MLIP: variants seen among roughly 807,000 people sequenced by gnomAD.
The protein encoded by MLIP is muscular LMNA-interacting protein.
Under a neutral mutation model 84.8 loss-of-function variants are expected in MLIP, and 79 were observed. The observed-to-expected ratio is 0.93, with a 90% CI of 0.78 to 1.12. MLIP has a LOEUF of 1.12. MLIP is among the 50% of genes most tolerant of loss of function. The probability of loss-of-function intolerance (pLI) is 0.00; values close to 1 mark genes in which losing one functional copy is unlikely to be tolerated. For missense variants in MLIP, 1,257 were observed against 1,160.6 expected (o/e 1.08, Z -1.21); for synonymous variants, 504 against 463.0 (o/e 1.09, Z -1.14).
chr6:54,121,272 G>T (rs1319494514), intron 1 of MLIP, among the ~76,000 whole-genome samples, 175 bp from the exon 2 acceptor site: 6 of 152,104 alleles, frequency 3.9e-5, no homozygotes, highest in Non-Finnish European at 8.8e-5. Context: ...CATAAAAAAG[G>T]TTCTGATTCT....
At chr6:54,107,861 G>A (rs1286992787), upstream of MLIP, among the ~76,000 whole-genome samples, 1 of 152,172 alleles carries the variant, frequency 6.6e-6, no homozygotes, top group Non-Finnish European at 1.5e-5. Flanking sequence ...CTGTTATCAA[G>A]CCTGAGGCAT....
intron 11 of MLIP, among the ~76,000 whole-genome samples, chr6:54,212,948 G>A (rs1405048239): frequency 6.6e-6 from 1 of 152,100 alleles, no homozygotes; most frequent in Non-Finnish European, 1.5e-5. Flanking sequence ...TAATAAGAAG[G>A]CTAACTAGGC....
intron 8 of MLIP, among the ~76,000 whole-genome samples, chr6:54,161,065 G>A (rs974612810): frequency 1.3e-5 from 2 of 151,754 alleles, no homozygotes; most frequent in African/African-American, 4.8e-5. Flanking sequence ...TGTGGGTCCA[G>A]TTCAAAACAG....
intron 1 of MLIP, chr6:54,031,295 T>C (rs1237699247): frequency 6.6e-6 from 1 of 152,140 alleles, no homozygotes; most frequent in Non-Finnish European, 1.5e-5. Flanking sequence ...CAGAGAGGAA[T>C]GCAAGGCCAT....
chr6:54,146,574 TA>T (rs1772862883), intron 4 of MLIP, among the ~76,000 whole-genome samples: 1 of 152,206 alleles, frequency 6.6e-6, no homozygotes, highest in African/African-American at 2.4e-5. Context: ...GAGAATTTTG[TA>T]CTAATTCTAA....
chr6:54,091,538 T>A (rs978136621), intron 1 of MLIP, among the ~76,000 whole-genome samples: 1 of 152,122 alleles, frequency 6.6e-6, no homozygotes, highest in African/African-American at 2.4e-5. Context: ...GGAGACTGAC[T>A]TAGTCTTGCC....
rs1191598287 is a variant in MLIP at position 54,067,559 on chromosome 6, T to A, written c.63+48468T>A. Among the ~76,000 whole-genome samples, 7 of 101,818 alleles carry A rather than the reference T, an allele frequency of 6.9e-5. 2 individuals carry two copies. Among genetic ancestry groups the A allele is most frequent in the Admixed American group, 6.3e-4 (7 of 11,048 alleles). The allele number at this position is 101,818 out of a possible 152,430, so 66.8% of individuals were successfully genotyped here. A position where few individuals can be genotyped will look rare whatever the true frequency, so the allele number is the denominator to read the frequency against. ...CACTTCTTTAGAATTATCACCTTAT[T>A]CTAATTCACACTTTAAATTTGGTCA... On this transcript the variant is annotated intron_variant, in intron 1 of 12. Transcript: ENST00000274897.
At chr6:54,180,221 C>A (rs1776717295) in intron 9 of MLIP, among the ~76,000 whole-genome samples, 1 of 152,016 alleles carries the variant, frequency 6.6e-6, no homozygotes, top group East Asian at 1.9e-4. Flanking sequence ...TTATTTGTTT[C>A]TTTTCTCTTT....
At chr6:54,077,034 A>G (rs972297541) in intron 1 of MLIP, among the ~76,000 whole-genome samples, 4 of 152,226 alleles carry the variant, frequency 2.6e-5, no homozygotes, top group African/African-American at 9.6e-5. Context: ...GTTAGAACAA[A>G]TACTGAGAGA....
rs1361606911 is a variant in MLIP at position 54,124,530 on chromosome 6, GC to G, written c.311del (p.Ala104GlyfsTer3). The stretch of plus-strand genomic sequence containing the variant: ...TGGGAGCCAACAAGAGAGAGACCAA[GC>G]GAAATTGACTTGTCCTTCAGAGGTC... ...NAGSQQERDQ[A>X]KLTCPSEVSG... On this transcript the variant is annotated frameshift_variant, in exon 3 of 14. Coordinates refer to ENST00000502396, the MANE Select transcript of MLIP (RefSeq NM_001281747.2). LOFTEE classifies it high-confidence loss of function. 6.2e-7 allele frequency: 1 copy of G among 1,614,178 alleles called. No homozygotes were observed. The highest frequency in any genetic ancestry group is 1.1e-5 in the South Asian group (1 of 91,082).
chr6:54,203,187 A>G lies in MLIP; in HGVS notation c.2718+954A>G, dbSNP rs148353987. 1.8e-3 allele frequency among the ~76,000 whole-genome samples: 272 copies of G among 152,328 alleles called. 1 individual carries two copies. The highest frequency in any genetic ancestry group is 6.8e-3 in the Middle Eastern group (2 of 294). On this transcript the variant is annotated intron_variant, in intron 11 of 13. Coordinates refer to ENST00000502396, the MANE Select transcript of MLIP (RefSeq NM_001281747.2). ...ATTTGTGAAAAATATGAAAATACAC[A>G]TTTATGCAATATAAAACTTCATAAT...
chr6:54,160,921 T>C, intron 8 of MLIP, 122 bp downstream of exon 8: 1 of 764,564 alleles, frequency 1.3e-6, no homozygotes, highest in South Asian at 1.8e-5. Flanking sequence ...CAATCAGTCT[T>C]TTTTGTAGAA....
At chr6:54,215,092 C>G in intron 11 of MLIP, 1 of 1,392,954 alleles carries the variant, frequency 7.2e-7, no homozygotes, top group Admixed American at 2.0e-5. Flanking sequence ...GTAACCTTTT[C>G]TACACGCTGT....
intron 11 of MLIP, among the ~76,000 whole-genome samples, chr6:54,222,648 C>A (rs1780294632): frequency 6.6e-6 from 1 of 152,018 alleles, no homozygotes. Flanking sequence ...CTAGTTTATT[C>A]CCATTTCTTG....
chr6:54,024,588 G>A (rs1461270361), intron 1 of MLIP, among the ~76,000 whole-genome samples: 1 of 152,260 alleles, frequency 6.6e-6, no homozygotes, highest in East Asian at 1.9e-4. Context: ...ACTAAGGGCT[G>A]CAGTGGGAAC....
intron 8 of MLIP, among the ~76,000 whole-genome samples, chr6:54,166,265 A>G (rs73741456): frequency 0.032 from 4,792 of 152,016 alleles, 219 homozygotes; most frequent in African/African-American, 0.11. Context: ...ATACCTTTCA[A>G]TGAAGTAAAA....
intron 12 of MLIP, among the ~76,000 whole-genome samples, chr6:54,246,065 T>G (rs1050870594): frequency 6.6e-6 from 1 of 152,162 alleles, no homozygotes; most frequent in African/African-American, 2.4e-5. Context: ...ATAATGATAC[T>G]CATTCGCCTT....
At chr6:54,145,902 C>G (rs943493204) in intron 4 of MLIP, among the ~76,000 whole-genome samples, 1 of 151,786 alleles carries the variant, frequency 6.6e-6, no homozygotes, top group African/African-American at 2.4e-5. Flanking sequence ...GTTGGGAGAC[C>G]CCAGTGGCAG....
chr6:54,052,710 T>C (rs1765443861), intron 1 of MLIP, among the ~76,000 whole-genome samples: 1 of 152,172 alleles, frequency 6.6e-6, no homozygotes, highest in Non-Finnish European at 1.5e-5. Context: ...GAAAAAATTA[T>C]ACTACTTATT....
Sources: gnomAD v4.1 joint callset for allele counts (sites outside exome capture counted in the v4.1 genomes callset) on GRCh38, gnomAD v4.1.1 for gene constraint, MANE v1.5 for transcripts, NCBI Gene and HGNC (gene_info 2026-07-23, HGNC 2026-07-21) for gene names.